MEX3B: variants seen among roughly 807,000 people sequenced by gnomAD.
The protein encoded by MEX3B is RNA-binding protein MEX3B.
Under a neutral mutation model 12.2 loss-of-function variants are expected in MEX3B, and 10 were observed. The ratio of observed to expected loss-of-function variants is 0.82; its 90% CI spans 0.51 to 1.40. MEX3B has a LOEUF of 1.40. MEX3B is among the 40% of genes most tolerant of loss of function. The pLI is 0.00. For missense variants in MEX3B, 839 were observed against 801.4 expected (o/e 1.05, Z -0.57); for synonymous variants, 498 against 356.3 (o/e 1.40, Z -4.48).
Position 82,045,850 on chromosome 15 carries a change from G to A in MEX3B, c.-145C>T. ...CTCCGTTGCTTCTTCCTCGGTGCTG[G>A]GAGGAGTGGGTCGCTCCGTGCGGTC... On this transcript the variant is annotated 5_prime_UTR_variant, in exon 1 of 2. Transcript: ENST00000329713. The A allele has an allele frequency of 2.2e-6, 2 of 907,300 alleles. No individual in the cohort carries two copies. The highest frequency in any genetic ancestry group is 3.0e-6 in the Non-Finnish European group (2 of 677,856). 56.2% of individuals were successfully genotyped at this position (907,300 alleles called of 1,614,324 possible).
Position 82,044,458 on chromosome 15 carries a change from G to A in MEX3B, c.412C>T (p.Arg138Cys), listed in dbSNP as rs2073243794. 2 of 1,613,482 alleles carry A rather than the reference G, an allele frequency of 1.2e-6. No homozygotes were observed. Among genetic ancestry groups the A allele is most frequent in the Non-Finnish European group, 1.7e-6 (2 of 1,179,994 alleles). Residue 138 changes from arginine (R) to cysteine (C), a missense_variant, in exon 2 of 2, where the codon CGC (arginine) becomes TGC (cysteine). By Grantham distance (180) the Arg-to-Cys change is radical (BLOSUM62 -3). This residue lies in a region of MEX3B where 214 missense variants were observed against 223.8 expected (regional missense o/e 0.96). Coordinates refer to ENST00000329713, the MANE Select transcript of MEX3B (RefSeq NM_032246.6). The surrounding 1 kb of genome is among the most constrained non-coding windows in gnomAD (Gnocchi z 5.3). ...GCCGTGTTCTTATTCCGGGAGGCGC[G>A]GATCATGGAGAAGTGCTCGGCAGCA... The part of the protein sequence containing the change: ...ISAAEHFSMI[R>C]ASRNKNTALN...
chr15:82,044,177 G>T lies in MEX3B; in HGVS notation c.693C>A (p.Gly231=), dbSNP rs2073241405. ...CGTTCTCGTCTGTGAGCTCAATGAT[G>T]CCGCCGGTACGCAGAGCAATGTGCG... The part of the protein sequence containing the change: ...IEAHIALRTG[G]IIELTDENDF... The change falls in exon 2 of 2, where the codon GGC becomes GGA. Residue 231 remains glycine (G), a synonymous_variant. Coordinates refer to ENST00000329713, the MANE Select transcript of MEX3B (RefSeq NM_032246.6). The surrounding 1 kb of genome is among the most constrained non-coding windows in gnomAD (Gnocchi z 5.3). 1.2e-6 allele frequency: 2 copies of T among 1,613,992 alleles called. No homozygotes were observed. The highest frequency in any genetic ancestry group is 1.1e-5 in the South Asian group (1 of 91,082).
At position 82,043,437 on chromosome 15, in the gene MEX3B, A is replaced by T; in HGVS notation, c.1433T>A (p.Leu478Gln). The T allele has an allele frequency of 1.3e-6, 2 of 1,562,754 alleles. No individual in the cohort carries two copies. The highest frequency in any genetic ancestry group is 1.7e-6 in the Non-Finnish European group (2 of 1,154,018). The change falls in exon 2 of 2, where the codon CTG (leucine) becomes CAG (glutamine). Residue 478 changes from leucine to glutamine, a missense_variant. Transcript: ENST00000329713. The part of the protein sequence containing the change: ...GLAYAAYANG[L>Q]GAQLPGLQPS... ...CTGCAAGCCAGGCAGCTGTGCCCCCAGCCCGTTGGCATAAGCGGCGTAGGC... is the reference window on the plus strand; with the variant it reads ...CTGCAAGCCAGGCAGCTGTGCCCCCTGCCCGTTGGCATAAGCGGCGTAGGC...
Position 82,044,513 on chromosome 15 carries a change from A to T in MEX3B, c.357T>A (p.Asp119Glu), listed in dbSNP as rs375408309. The T allele has an allele frequency of 2.5e-6, 4 of 1,614,126 alleles. No homozygotes were observed. Among genetic ancestry groups the T allele is most frequent in the Non-Finnish European group, 3.4e-6 (4 of 1,180,036 alleles). Residue 119 changes from aspartate (D) to glutamate (E), a missense_variant, in exon 2 of 2, where the codon GAT becomes GAA. Physicochemically the swap from Asp to Glu is conservative, Grantham distance 45. Coordinates refer to ENST00000329713, the MANE Select transcript of MEX3B (RefSeq NM_032246.6). The surrounding 1 kb of genome is among the most constrained non-coding windows in gnomAD (Gnocchi z 5.3). ...TGATCTCCCTCCGAGCCATGGCCACATCCTCCTTCCTGCCCGTCACAACAA... is the reference window on the plus strand; with the variant it reads ...TGATCTCCCTCCGAGCCATGGCCACTTCCTCCTTCCTGCCCGTCACAACAA... ...PVFVVTGRKE[D>E]VAMARREIIS...
chr15:82,044,709 G>A lies in MEX3B; in HGVS notation c.257-96C>T. ...GGGGACCGGGGACAGCCCGCGTCCA[G>A]GACAGCGAGACGGCAGGACAAGAGA... On this transcript the variant is annotated intron_variant, in intron 1 of 1. Coordinates refer to ENST00000329713, the MANE Select transcript of MEX3B (RefSeq NM_032246.6). This position sits in a 1 kb window ranked among gnomAD's most constrained non-coding sequence, Gnocchi z 5.3. 1.6e-6 allele frequency: 2 copies of A among 1,225,770 alleles called. No individual in the cohort carries two copies. The highest frequency in any genetic ancestry group is 1.5e-5 in the African/African-American group (1 of 67,780). 75.9% of individuals were successfully genotyped at this position (1,225,770 alleles called of 1,614,324 possible). A position where few individuals can be genotyped will look rare whatever the true frequency, so the allele number is the denominator to read the frequency against.
chr15:82,045,730 C>T lies in MEX3B; in HGVS notation c.-25G>A. ...TCGCTCGGCCGTGCGCGCCGCGCCC[C>T]CGCCGGCCCTCGGCTCGGCGGCGAG... On this transcript the variant is annotated 5_prime_UTR_variant, in exon 1 of 2. Transcript: ENST00000329713. 2.3e-6 allele frequency: 3 copies of T among 1,322,256 alleles called. No individual in the cohort carries two copies. Among genetic ancestry groups the T allele is most frequent in the Non-Finnish European group, 2.9e-6 (3 of 1,043,674 alleles). The allele number at this position is 1,322,256 out of a possible 1,614,324, so 81.9% of individuals were successfully genotyped here. A position where few individuals can be genotyped will look rare whatever the true frequency, so the allele number is the denominator to read the frequency against.
chr15:82,045,523 C>T lies in MEX3B; in HGVS notation c.183G>A (p.Lys61=). ...GASLYDSEPR[K]KSVNMTECVP... is the part of the protein sequence containing the mutation. ...CGCACTCGGTCATGTTCACGCTCTT[C>T]TTGCGCGGCTCGCTGTCGTACAGAG... Residue 61 remains lysine (K), a synonymous_variant, in exon 1 of 2, where the codon AAG becomes AAA. Coordinates refer to ENST00000329713, the MANE Select transcript of MEX3B (RefSeq NM_032246.6). 1 of 1,612,712 alleles carries T rather than the reference C, an allele frequency of 6.2e-7. No homozygotes were observed. Among genetic ancestry groups the T allele is most frequent in the Non-Finnish European group, 8.5e-7 (1 of 1,179,872 alleles).
At chr15:82,045,388 C>A (rs750943775) in intron 1 of MEX3B, 62 bp downstream of exon 1, 18 of 1,545,348 alleles carry the variant, frequency 1.2e-5, no homozygotes, top group Non-Finnish European at 1.5e-5. Context: ...GCCTTCCCCT[C>A]GAGGCAGTGG....
Position 82,041,991 on chromosome 15 carries a change from A to G in MEX3B, c.*1169T>C, listed in dbSNP as rs2073222798. 1 of 152,630 alleles carries G rather than the reference A, an allele frequency of 6.6e-6. No individual in the cohort carries two copies. The highest frequency in any genetic ancestry group is 2.1e-4 in the South Asian group (1 of 4,834). The allele number at this position is 152,630 out of a possible 1,614,324, so 9.5% of individuals were successfully genotyped here. Reference sequence around the variant, plus strand: ...TAAAATAAAATATACTTTGTTTTTTAAACTTTGCTCAGTAAAGTACATTTA... The same window carrying G: ...TAAAATAAAATATACTTTGTTTTTTGAACTTTGCTCAGTAAAGTACATTTA... On this transcript the variant is annotated 3_prime_UTR_variant, in exon 2 of 2. Coordinates refer to ENST00000329713, the MANE Select transcript of MEX3B (RefSeq NM_032246.6).
Position 82,044,032 on chromosome 15 carries a change from G to T in MEX3B, c.838C>A (p.Pro280Thr). The T allele has an allele frequency of 6.2e-7, 1 of 1,607,170 alleles. No homozygotes were observed. ...PSITPTPGRK[P>T]FSSYRNDSSS... ...CTGTCGTTGCGGTAGCTAGAGAAAGGCTTGCGGCCGGGGGTGGGCGTGATG... is the reference window on the plus strand; with the variant it reads ...CTGTCGTTGCGGTAGCTAGAGAAAGTCTTGCGGCCGGGGGTGGGCGTGATG... The change falls in exon 2 of 2, where the codon CCT (proline) becomes ACT (threonine). Residue 280 changes from proline (P) to threonine (T), a missense_variant. Transcript: ENST00000329713. The surrounding 1 kb of genome is among the most constrained non-coding windows in gnomAD (Gnocchi z 5.3).
Position 82,042,006 on chromosome 15 carries a change from A to G in MEX3B, c.*1154T>C, listed in dbSNP as rs1168646345. 1 of 152,636 alleles carries G rather than the reference A, an allele frequency of 6.6e-6. No homozygotes were observed. Among genetic ancestry groups the G allele is most frequent in the Non-Finnish European group, 1.5e-5 (1 of 68,034 alleles). The allele number at this position is 152,636 out of a possible 1,614,324, so 9.5% of individuals were successfully genotyped here. A position where few individuals can be genotyped will look rare whatever the true frequency, so the allele number is the denominator to read the frequency against. ...TTTGTTTTTTAAACTTTGCTCAGTA[A>G]AGTACATTTAAGCTCAAGTAACATC... is the stretch of plus-strand genomic sequence containing the variant. On this transcript the variant is annotated 3_prime_UTR_variant, in exon 2 of 2. Transcript: ENST00000329713.
At chr15:82,045,415 A>ACCCCCCCCCCCCCCCCCC in intron 1 of MEX3B, 35 bp downstream of exon 1, 1 of 1,530,528 alleles carries the variant, frequency 6.5e-7, no homozygotes, top group Non-Finnish European at 8.9e-7. Flanking sequence ...ACCCTACACC[A>ACCCCCCCCCCCCCCCCCC]CCCCCACCCA....
chr15:82,045,711 G>A lies in MEX3B; in HGVS notation c.-6C>T, dbSNP rs958149661. 1.4e-5 allele frequency: 19 copies of A among 1,341,410 alleles called. No individual in the cohort carries two copies. The highest frequency in any genetic ancestry group is 1.2e-4 in the Admixed American group (3 of 24,988). 83.1% of individuals were successfully genotyped at this position (1,341,410 alleles called of 1,614,324 possible). On this transcript the variant is annotated 5_prime_UTR_variant, in exon 1 of 2. Transcript: ENST00000329713. ...GCGAACAGCGAGCTGGGCATCGCTC[G>A]GCCGTGCGCGCCGCGCCCCCGCCGG...
Position 82,043,898 on chromosome 15 carries a change from G to A in MEX3B, c.972C>T (p.Ala324=), listed in dbSNP as rs768756427. 3 of 1,594,776 alleles carry A rather than the reference G, an allele frequency of 1.9e-6. No homozygotes were observed. In the South Asian group the frequency reaches 3.4e-5, roughly 18 times the overall value. ...TGTTTCCGTTGTGCGCAAAGCTCAG[G>A]GCGGGGCTAGGGGGGCTGTAGTCCG... is the stretch of plus-strand genomic sequence containing the variant. The part of the protein sequence containing the change: ...RLADYSPPSP[A]LSFAHNGNNN... Residue 324 remains alanine (A), a synonymous_variant, in exon 2 of 2, where the codon GCC becomes GCT. Coordinates refer to ENST00000329713, the MANE Select transcript of MEX3B (RefSeq NM_032246.6).
Position 82,044,137 on chromosome 15 carries a change from C to T in MEX3B, c.733G>A (p.Gly245Ser). The T allele has an allele frequency of 6.2e-7, 1 of 1,613,714 alleles. No homozygotes were observed. Among genetic ancestry groups the T allele is most frequent in the Non-Finnish European group, 8.5e-7 (1 of 1,180,028 alleles). Residue 245 changes from glycine (G) to serine (S), a missense_variant, in exon 2 of 2, where the codon GGC (glycine) becomes AGC (serine). Transcript: ENST00000329713. The surrounding 1 kb of genome is among the most constrained non-coding windows in gnomAD (Gnocchi z 5.3). ...LTDENDFHAN[G>S]TDVGFDLHHG... is the part of the protein sequence containing the mutation. Reference sequence around the variant, plus strand: ...TGCAGATCGAAGCCCACATCGGTGCCGTTGGCGTGGAAGTCGTTCTCGTCT... The same window carrying T: ...TGCAGATCGAAGCCCACATCGGTGCTGTTGGCGTGGAAGTCGTTCTCGTCT...
rs1414443323 is a variant in MEX3B at position 82,042,540 on chromosome 15, T to C, written c.*620A>G. On this transcript the variant is annotated 3_prime_UTR_variant, in exon 2 of 2. Transcript: ENST00000329713. Reference sequence around the variant, plus strand: ...AATCTGTATTAATGCAATTTCTCTTTAAAACTTTTAAACGTTTTTAATATA... The same window carrying C: ...AATCTGTATTAATGCAATTTCTCTTCAAAACTTTTAAACGTTTTTAATATA... 2.6e-5 allele frequency: 4 copies of C among 152,646 alleles called. No homozygotes were observed. Among genetic ancestry groups the C allele is most frequent in the Non-Finnish European group, 5.9e-5 (4 of 68,050 alleles). 9.5% of individuals were successfully genotyped at this position (152,646 alleles called of 1,614,324 possible). A position where few individuals can be genotyped will look rare whatever the true frequency, so the allele number is the denominator to read the frequency against.
chr15:82,044,826 C>T lies in MEX3B; in HGVS notation c.257-213G>A. The T allele has an allele frequency of 9.9e-6, 6 of 608,674 alleles. No homozygotes were observed. Among genetic ancestry groups the T allele is most frequent in the Non-Finnish European group, 1.7e-5 (6 of 343,606 alleles). The allele number at this position is 608,674 out of a possible 1,614,324, so 37.7% of individuals were successfully genotyped here. A position where few individuals can be genotyped will look rare whatever the true frequency, so the allele number is the denominator to read the frequency against. On this transcript the variant is annotated intron_variant, in intron 1 of 1. Coordinates refer to ENST00000329713, the MANE Select transcript of MEX3B (RefSeq NM_032246.6). The surrounding 1 kb of genome is among the most constrained non-coding windows in gnomAD (Gnocchi z 5.3). ...CCCGCGAGGCGCTCGAGGAACAGCC[C>T]ATTGGCTGCCTGGCCCTCCCCCAGT...
Position 82,045,737 on chromosome 15 carries a change from C to A in MEX3B, c.-32G>T. On this transcript the variant is annotated 5_prime_UTR_variant, in exon 1 of 2. Transcript: ENST00000329713. Reference sequence around the variant, plus strand: ...GCCGTGCGCGCCGCGCCCCCGCCGGCCCTCGGCTCGGCGGCGAGAAGCTGC... The same window carrying A: ...GCCGTGCGCGCCGCGCCCCCGCCGGACCTCGGCTCGGCGGCGAGAAGCTGC... The A allele has an allele frequency of 7.6e-7, 1 of 1,318,864 alleles. No individual in the cohort carries two copies. Among genetic ancestry groups the A allele is most frequent in the Non-Finnish European group, 9.6e-7 (1 of 1,041,808 alleles). 81.7% of individuals were successfully genotyped at this position (1,318,864 alleles called of 1,614,324 possible).
rs928940506 is a variant in MEX3B at position 82,043,104 on chromosome 15, T to TG, written c.*55dup. 5.0e-4 allele frequency: 706 copies of TG among 1,403,540 alleles called. 2 individuals are homozygous for TG. The African/African-American group carries it at 9.4e-3, about 19-fold the overall frequency. 86.9% of individuals were successfully genotyped at this position (1,403,540 alleles called of 1,614,324 possible). A position where few individuals can be genotyped will look rare whatever the true frequency, so the allele number is the denominator to read the frequency against. ...GCAGGCGAGCGCTGGGGAAAGAGGGTGGGGAGGGGTTCCCCCTTCCCCCAG... is the reference window on the plus strand; with the variant it reads ...GCAGGCGAGCGCTGGGGAAAGAGGGTGGGGGAGGGGTTCCCCCTTCCCCCAG... On this transcript the variant is annotated 3_prime_UTR_variant, in exon 2 of 2. Coordinates refer to ENST00000329713, the MANE Select transcript of MEX3B (RefSeq NM_032246.6).
Sources: gnomAD v4.1 joint callset for allele counts on GRCh38, gnomAD v4.1.1 for gene constraint, gnomAD v4.1.1 regional missense constraint, Gnocchi (gnomAD v3.1) non-coding constraint, MANE v1.5 for transcripts, NCBI Gene and HGNC (gene_info 2026-07-23, HGNC 2026-07-21) for gene names.